Variants in ANKRD18B observed in about 807,000 individuals in gnomAD.
ANKRD18B encodes the protein ankyrin repeat domain-containing protein 18B.
A neutral mutation model predicts 111.8 loss-of-function variants in ANKRD18B; 75 were observed. The observed-to-expected ratio is 0.67, with a 90% CI of 0.56 to 0.81. ANKRD18B has a LOEUF of 0.81. Among genes scored for constraint, ANKRD18B ranks in the 40% least tolerant of loss-of-function variants. ANKRD18B has a pLI of 0.00. For synonymous variants in ANKRD18B, 356 were observed against 417.3 expected (o/e 0.85, Z 1.79); for missense variants, 1,038 against 1,225.5 (o/e 0.85, Z 2.28).
chr9:33,550,619 C>T (rs1343727948), intron 12 of ANKRD18B, 40 bp downstream of exon 12: 1 of 1,468,770 alleles, frequency 6.8e-7, no homozygotes, highest in East Asian at 2.5e-5. Flanking sequence ...TAATCTGTAG[C>T]TGGTTGAATA....
At chr9:33,537,891 A>C (rs1188447425) in intron 6 of ANKRD18B, among the ~76,000 whole-genome samples, 3 of 152,234 alleles carry the variant, frequency 2.0e-5, no homozygotes, top group Non-Finnish European at 4.4e-5. Flanking sequence ...AAAATCATAG[A>C]AAAGAAAAAA....
Position 33,524,484 on chromosome 9 carries a change from G to C in ANKRD18B, c.-6G>C. On this transcript the variant is annotated 5_prime_UTR_variant, in exon 1 of 19. Coordinates refer to ENST00000684830, the MANE Select transcript of ANKRD18B (RefSeq NM_001393611.1). ...GCGGGTGGTGGGCATCTGAGAAGTCGCCACCATGAGGAAGCTCCTCAGTTT... is the reference window on the plus strand; with the variant it reads ...GCGGGTGGTGGGCATCTGAGAAGTCCCCACCATGAGGAAGCTCCTCAGTTT... 1 of 1,542,626 alleles carries C rather than the reference G, an allele frequency of 6.5e-7. No homozygotes were observed. Among genetic ancestry groups the C allele is most frequent in the Non-Finnish European group, 8.7e-7 (1 of 1,143,198 alleles).
intron 9 of ANKRD18B, among the ~76,000 whole-genome samples, chr9:33,541,714 A>G (rs1334311964): frequency 6.6e-6 from 1 of 152,164 alleles, no homozygotes; most frequent in East Asian, 1.9e-4. Flanking sequence ...AATTCAAGTC[A>G]AATAAGATAA....
chr9:33,533,294 A>G, intron 3 of ANKRD18B, 145 bp from the exon 4 acceptor site: 2 of 1,422,120 alleles, frequency 1.4e-6, no homozygotes, highest in African/African-American at 1.5e-5. Flanking sequence ...GGGAAAGCAC[A>G]GAGGAGTGAA....
At chr9:33,528,375 C>T (rs1828057487) in intron 1 of ANKRD18B, among the ~76,000 whole-genome samples, 1 of 152,222 alleles carries the variant, frequency 6.6e-6, no homozygotes, top group African/African-American at 2.4e-5. Flanking sequence ...TGAAGATTTT[C>T]ATTTAAGCAT....
Position 33,548,329 on chromosome 9 carries a change from A to G in ANKRD18B, c.1541A>G (p.Glu514Gly). The G allele has an allele frequency of 2.6e-6, 4 of 1,549,804 alleles. No individual in the cohort carries two copies. Among genetic ancestry groups the G allele is most frequent in the Non-Finnish European group, 3.5e-6 (4 of 1,146,226 alleles). Residue 514 changes from glutamate to glycine, a missense_variant, in exon 11 of 19, where the codon GAA becomes GGA. Glu to Gly is a moderately conservative substitution (Grantham distance 98, BLOSUM62 -2). Coordinates refer to ENST00000684830, the MANE Select transcript of ANKRD18B (RefSeq NM_001393611.1). ...GAAATTTTGGAAAGAAAAGACCTAG[A>G]ACTAGTTTTATGGAGAGCAGATGAT... ...YNEILERKDL[E>G]LVLWRADDVS...
chr9:33,533,447 C>G lies in ANKRD18B; in HGVS notation c.504C>G (p.Asn168Lys). 1 of 1,522,988 alleles carries G rather than the reference C, an allele frequency of 6.6e-7. No individual in the cohort carries two copies. The highest frequency in any genetic ancestry group is 8.8e-7 in the Non-Finnish European group (1 of 1,137,776). 94.3% of individuals were successfully genotyped at this position (1,522,988 alleles called of 1,614,324 possible). A position where few individuals can be genotyped will look rare whatever the true frequency, so the allele number is the denominator to read the frequency against. Residue 168 changes from asparagine (N) to lysine (K), a missense_variant, in exon 4 of 19, where the codon AAC becomes AAG. Physicochemically the swap from Asn to Lys is moderately conservative, Grantham distance 94 (BLOSUM62 0). Transcript: ENST00000684830. ...TTTTTGCTTTCTTACAGGAGGGAAA[C>G]ACTCCACTTTTGTTTGCTATAAATT... ...ANIEALNKEG[N>K]TPLLFAINSR...
intron 6 of ANKRD18B, among the ~76,000 whole-genome samples, chr9:33,537,740 C>T (rs572131358): frequency 2.6e-5 from 4 of 152,214 alleles, no homozygotes; most frequent in South Asian, 2.1e-4. Context: ...TCCTTCCAAA[C>T]GTAACTACTA....
At chr9:33,539,880 A>G (rs1315968872) in intron 7 of ANKRD18B, among the ~76,000 whole-genome samples, 198 bp from the exon 8 acceptor site, 1 of 149,830 alleles carries the variant, frequency 6.7e-6, no homozygotes, top group Non-Finnish European at 1.5e-5. Context: ...TCTTTCAGTT[A>G]TGCTGTTGGC....
chr9:33,572,085 C>T (rs1277368899), intron 18 of ANKRD18B: 4 of 519,078 alleles, frequency 7.7e-6, no homozygotes, highest in African/African-American at 1.9e-5. Flanking sequence ...AGTACCTTAG[C>T]ACGTGGCTGT....
downstream of ANKRD18B, chr9:33,573,195 G>A (rs1828808790): frequency 1.0e-6 from 1 of 985,224 alleles, no homozygotes; most frequent in African/African-American, 1.7e-5. Context: ...TTTCTTAAAA[G>A]CAGAGTTGGA....
Position 33,572,601 on chromosome 9 carries a change from A to T in ANKRD18B, c.*167A>T. On this transcript the variant is annotated 3_prime_UTR_variant, in exon 19 of 19. Coordinates refer to ENST00000684830, the MANE Select transcript of ANKRD18B (RefSeq NM_001393611.1). Reference sequence around the variant, plus strand: ...TTTAGCCTCCTTAAGTTTTAAGTGGATCTTGCAAATGAACACCAGTGTTAT... The same window carrying T: ...TTTAGCCTCCTTAAGTTTTAAGTGGTTCTTGCAAATGAACACCAGTGTTAT... The T allele has an allele frequency of 8.0e-7, 1 of 1,249,022 alleles. No homozygotes were observed. The highest frequency in any genetic ancestry group is 1.0e-6 in the Non-Finnish European group (1 of 993,820). 77.4% of individuals were successfully genotyped at this position (1,249,022 alleles called of 1,614,324 possible). A position where few individuals can be genotyped will look rare whatever the true frequency, so the allele number is the denominator to read the frequency against.
chr9:33,560,712 G>A (rs561824856), intron 14 of ANKRD18B, among the ~76,000 whole-genome samples: 1 of 152,266 alleles, frequency 6.6e-6, no homozygotes, highest in African/African-American at 2.4e-5. Flanking sequence ...TGTAATCCCA[G>A]CACTTTGGGA....
intron 4 of ANKRD18B, chr9:33,533,884 C>CATTATTATTATTATT (rs57494608): frequency 9.4e-5 from 12 of 128,068 alleles, no homozygotes; most frequent in African/African-American, 2.7e-4. Context: ...TTACCATTAT[C>CATTATTATTATTATT]ATTATTATTA....
downstream of ANKRD18B, chr9:33,573,260 CAGA>C (rs1364374091): frequency 1.0e-6 from 1 of 985,208 alleles, no homozygotes; most frequent in South Asian, 4.7e-5. Context: ...TAGTCCCCAA[CAGA>C]AGAACCACTG....
At chr9:33,546,534 T>G (rs563749157) in intron 10 of ANKRD18B, among the ~76,000 whole-genome samples, 1 of 152,138 alleles carries the variant, frequency 6.6e-6, no homozygotes, top group Non-Finnish European at 1.5e-5. Flanking sequence ...GTCCTGTACA[T>G]TATGTTCTAA....
Position 33,555,696 on chromosome 9 carries a change from C to G in ANKRD18B, c.2218-12C>G, listed in dbSNP as rs1828515312. 4 of 1,364,264 alleles carry G rather than the reference C, an allele frequency of 2.9e-6. No individual in the cohort carries two copies. The highest frequency in any genetic ancestry group is 5.9e-5 in the East Asian group (2 of 33,690). The allele number at this position is 1,364,264 out of a possible 1,614,324, so 84.5% of individuals were successfully genotyped here. On this transcript the variant is annotated splice_polypyrimidine_tract_variant and intron_variant, in intron 12 of 18. Transcript: ENST00000684830. ...GATTTTACAAAAATAATTTTAAACA[C>G]TTTTTTTCAAGCCTGAAGAAAAACA...
chr9:33,561,192 A>T (rs1297844957), intron 14 of ANKRD18B, among the ~76,000 whole-genome samples: 1 of 152,180 alleles, frequency 6.6e-6, no homozygotes, highest in Admixed American at 6.5e-5. Flanking sequence ...CATTTTCCCT[A>T]ACACTTATTT....
At chr9:33,545,685 C>T (rs969416017) in intron 10 of ANKRD18B, among the ~76,000 whole-genome samples, 2 of 152,102 alleles carry the variant, frequency 1.3e-5, no homozygotes, top group African/African-American at 4.8e-5. Context: ...ACATCAAAAG[C>T]ATATCTAGAG....
Sources: allele counts gnomAD v4.1 joint callset (sites outside exome capture counted in the v4.1 genomes callset), GRCh38; gene constraint gnomAD v4.1.1; transcripts MANE v1.5; gene names NCBI Gene and HGNC (gene_info 2026-07-23, HGNC 2026-07-21).